NIM1K: variants seen among roughly 807,000 people sequenced by gnomAD.
NIM1K encodes serine/threonine-protein kinase NIM1.
NIM1K carries 35 observed loss-of-function variants against 37.1 expected under a neutral mutation model. That is an observed-to-expected ratio of 0.94 (90% confidence interval 0.72 to 1.25). NIM1K has a LOEUF of 1.25. Among genes scored for constraint, NIM1K ranks in the 50% most tolerant of loss-of-function variants. The pLI is 0.00. For synonymous variants in NIM1K, 234 were observed against 206.6 expected (o/e 1.13, Z -1.14); for missense variants, 564 against 548.0 (o/e 1.03, Z -0.29).
intron 1 of NIM1K, among the ~76,000 whole-genome samples, chr5:43,221,548 C>A (rs1284395275): frequency 4.6e-5 from 7 of 151,920 alleles, no homozygotes; most frequent in Admixed American, 1.3e-4. Context: ...AAGACCAATT[C>A]TCCAATTGGG....
At chr5:43,214,681 T>C (rs984854872) in intron 1 of NIM1K, among the ~76,000 whole-genome samples, 2 of 151,736 alleles carry the variant, frequency 1.3e-5, no homozygotes, top group African/African-American at 4.8e-5. Flanking sequence ...CTGGGCATGG[T>C]AGCGGGTGCC....
rs1579951029 is a variant in NIM1K, at chr5:43,198,210, T to TTTCTTTCC, written c.-695+5806_-695+5807insCTTCTTTC. 2.9e-4 allele frequency among the ~76,000 whole-genome samples: 24 copies of TTTCTTTCC among 82,312 alleles called. No homozygotes were observed. In the East Asian group the frequency reaches 7.3e-3, roughly 25 times the overall value. The allele number at this position is 82,312 out of a possible 152,430, so 54.0% of individuals were successfully genotyped here. On this transcript the variant is annotated intron_variant, in intron 1 of 3. Coordinates refer to ENST00000326035, the MANE Select transcript of NIM1K (RefSeq NM_153361.4). Reference sequence around the variant, plus strand: ...TTCTTTCTTTCTTTCTTTCTTTCTCTTTCTTTCTTTCTTTCTTTCTTTCTT... The same window carrying TTTCTTTCC: ...TTCTTTCTTTCTTTCTTTCTTTCTCTTTCTTTCCTTCTTTCTTTCTTTCTTTCTTTCTT...
chr5:43,222,701 T>C (rs1020487140), intron 1 of NIM1K, among the ~76,000 whole-genome samples: 1 of 150,932 alleles, frequency 6.6e-6, no homozygotes, highest in Admixed American at 6.6e-5. Flanking sequence ...GCTACTGTAC[T>C]CCAACCTGGG....
chr5:43,249,100 C>T (rs527729780), intron 2 of NIM1K, among the ~76,000 whole-genome samples: 16 of 150,718 alleles, frequency 1.1e-4, no homozygotes, highest in Non-Finnish European at 1.8e-4. Flanking sequence ...GACAGAGTCT[C>T]GCTCTGTTGC....
In NIM1K at chr5:43,280,445, C is replaced by T; in HGVS notation, c.1027C>T (p.His343Tyr). The T allele has an allele frequency of 1.2e-6, 2 of 1,614,162 alleles. No individual in the cohort carries two copies. The highest frequency in any genetic ancestry group is 1.7e-6 in the Non-Finnish European group (2 of 1,180,030). The change falls in exon 4 of 4, where the codon CAT (histidine) becomes TAT (tyrosine). Residue 343 changes from histidine to tyrosine, a missense_variant. Transcript: ENST00000326035. ...PLEPFQLDPK[H>Y]LSETSTLKEE... ...GGAACCTTTCCAACTGGATCCCAAA[C>T]ATTTGTCGGAAACCAGCACTCTCAA...
rs181773496 is a variant in NIM1K at position 43,235,655 on chromosome 5, T to G, written c.-694-9427T>G. ...ATAAGGAAAATGTCAATGACAAAAA[T>G]GTATTCAGTAAGGATGAATTAGATG... On this transcript the variant is annotated intron_variant, in intron 1 of 3. Transcript: ENST00000326035. Among the ~76,000 whole-genome samples, 260 of 152,346 alleles carry G rather than the reference T, an allele frequency of 1.7e-3. 7 individuals carry two copies. The highest frequency in any genetic ancestry group is 0.015 in the Admixed American group (228 of 15,300).
At chr5:43,212,755 G>A (rs78763587) in intron 1 of NIM1K, among the ~76,000 whole-genome samples, 17 of 152,292 alleles carry the variant, frequency 1.1e-4, no homozygotes, top group East Asian at 7.7e-4. Context: ...ATATCACTGC[G>A]ATTGCTCCTG....
At chr5:43,251,010 GAT>G (rs2112269425) in intron 2 of NIM1K, among the ~76,000 whole-genome samples, 1 of 152,268 alleles carries the variant, frequency 6.6e-6, no homozygotes, top group African/African-American at 2.4e-5. Context: ...GTAAAATAGA[GAT>G]AATGATTTTT....
chr5:43,195,517 G>A (rs1184664992), intron 1 of NIM1K, among the ~76,000 whole-genome samples: 3 of 152,030 alleles, frequency 2.0e-5, no homozygotes, highest in Non-Finnish European at 4.4e-5. Context: ...AAAATTAGCT[G>A]GGTGTGGTGG....
At chr5:43,204,878 C>T (rs1048974517) in intron 1 of NIM1K, among the ~76,000 whole-genome samples, 6 of 152,078 alleles carry the variant, frequency 3.9e-5, no homozygotes, top group Admixed American at 3.9e-4. Flanking sequence ...CGCCTGTAGT[C>T]CCAGCTACTT....
intron 2 of NIM1K, among the ~76,000 whole-genome samples, chr5:43,270,475 C>T (rs1042963597): frequency 5.3e-5 from 8 of 152,134 alleles, no homozygotes; most frequent in African/African-American, 1.9e-4. Context: ...AGGAAATTCT[C>T]CTCTATTGCT....
In NIM1K at chr5:43,218,172, G is replaced by A. The variant is rs187870684; in HGVS notation, c.-695+25761G>A. Among the ~76,000 whole-genome samples, 993 of 151,780 alleles carry A rather than the reference G, an allele frequency of 6.5e-3. 8 individuals carry two copies. The highest frequency in any genetic ancestry group is 0.023 in the African/African-American group (956 of 41,370). On this transcript the variant is annotated intron_variant, in intron 1 of 3. Transcript: ENST00000326035. ...ATTGTAGGCACCCACCACCATGCCC[G>A]GCTAATTTTTGTATTTTTAGTAGAG...
intron 2 of NIM1K, among the ~76,000 whole-genome samples, chr5:43,276,667 C>G (rs1449959681): frequency 6.6e-6 from 1 of 152,168 alleles, no homozygotes; most frequent in Non-Finnish European, 1.5e-5. Context: ...TTTCAGGGAG[C>G]AACAAAAAGT....
At chr5:43,278,480 G>A (rs1237192083) in intron 3 of NIM1K, among the ~76,000 whole-genome samples, 2 of 152,194 alleles carry the variant, frequency 1.3e-5, no homozygotes, top group Non-Finnish European at 2.9e-5. Flanking sequence ...GGGCCATACA[G>A]GAGGAACCTG....
chr5:43,270,837 A>T (rs566669184), intron 2 of NIM1K, among the ~76,000 whole-genome samples: 38 of 152,186 alleles, frequency 2.5e-4, no homozygotes, highest in Non-Finnish European at 5.1e-4. Context: ...ATTAATAGAG[A>T]TCCTCCTCCA....
intron 2 of NIM1K, among the ~76,000 whole-genome samples, chr5:43,264,898 G>T (rs772255623): frequency 7.9e-5 from 12 of 152,164 alleles, no homozygotes; most frequent in Admixed American, 7.2e-4. Flanking sequence ...GACTGGCTAT[G>T]GAATTCTGGA....
intron 3 of NIM1K, among the ~76,000 whole-genome samples, chr5:43,278,150 A>G (rs1329806739): frequency 1.3e-5 from 2 of 149,766 alleles, no homozygotes; most frequent in African/African-American, 4.9e-5. Context: ...GGTTCAAGCG[A>G]TTCTCCTGCC....
At chr5:43,263,719 T>C (rs545746857) in intron 2 of NIM1K, among the ~76,000 whole-genome samples, 29 of 152,338 alleles carry the variant, frequency 1.9e-4, no homozygotes, top group Non-Finnish European at 3.8e-4. Flanking sequence ...TGTTAGGGTG[T>C]CAATTTTAGA....
chr5:43,270,234 C>A (rs1170268008), intron 2 of NIM1K, among the ~76,000 whole-genome samples: 1 of 152,038 alleles, frequency 6.6e-6, no homozygotes, highest in Non-Finnish European at 1.5e-5. Context: ...TTATCAATGA[C>A]ATAAATGTGT....
Sources: allele counts gnomAD v4.1 joint callset (sites outside exome capture counted in the v4.1 genomes callset), GRCh38; gene constraint gnomAD v4.1.1; transcripts MANE v1.5; gene names NCBI Gene and HGNC (gene_info 2026-07-23, HGNC 2026-07-21).